Variants in G2E3 observed in about 807,000 individuals in gnomAD.
G2E3 encodes the protein G2/M phase-specific E3 ubiquitin-protein ligase.
G2E3 carries 35 observed loss-of-function variants against 92.8 expected under a neutral mutation model. That is an observed-to-expected ratio of 0.38 (90% CI 0.29 to 0.50). G2E3 has a LOEUF of 0.50. Among genes scored for constraint, G2E3 ranks in the 20% least tolerant of loss-of-function variants. G2E3 has a pLI of 0.94. For synonymous variants in G2E3, 242 were observed against 272.4 expected (o/e 0.89, Z 1.10); for missense variants, 554 against 823.8 (o/e 0.67, Z 4.01).
At chr14:30,563,989 G>C (rs1879284298) in intron 1 of G2E3, among the ~76,000 whole-genome samples, 1 of 152,080 alleles carries the variant, frequency 6.6e-6, no homozygotes, top group Admixed American at 6.5e-5. Context: ...AAAGTCCTGG[G>C]ATTACAGGCG....
chr14:30,609,249 A>G (rs1325867000), intron 12 of G2E3, among the ~76,000 whole-genome samples: 1 of 152,186 alleles, frequency 6.6e-6, no homozygotes, highest in African/African-American at 2.4e-5. Flanking sequence ...AAAAAAAAGT[A>G]TATTTAAGCT....
At chr14:30,603,407 A>T (rs567408346) in intron 10 of G2E3, among the ~76,000 whole-genome samples, 1 of 152,228 alleles carries the variant, frequency 6.6e-6, no homozygotes, top group African/African-American at 2.4e-5. Context: ...TTACATCTTT[A>T]TAATGTTGGG....
chr14:30,589,633 G>A (rs1880896830), intron 4 of G2E3, 149 bp downstream of exon 4: 2 of 550,288 alleles, frequency 3.6e-6, no homozygotes. Flanking sequence ...AGTTTTAGGA[G>A]GACAGTTTAT....
At chr14:30,591,397 T>C (rs1381980806) in intron 4 of G2E3, among the ~76,000 whole-genome samples, 1 of 152,222 alleles carries the variant, frequency 6.6e-6, no homozygotes, top group Non-Finnish European at 1.5e-5. Flanking sequence ...ACATTTCAGT[T>C]AGCGGCACTG....
At chr14:30,564,733 G>C (rs921507923) in intron 1 of G2E3, among the ~76,000 whole-genome samples, 4 of 152,140 alleles carry the variant, frequency 2.6e-5, no homozygotes, top group Non-Finnish European at 5.9e-5. Context: ...AACCTTTTAT[G>C]TCTGACTTCC....
At chr14:30,604,972 A>T (rs549926510) in intron 10 of G2E3, among the ~76,000 whole-genome samples, 2 of 152,068 alleles carry the variant, frequency 1.3e-5, no homozygotes, top group African/African-American at 4.8e-5. Flanking sequence ...TCTTGGCTCA[A>T]CGCAACCTCT....
intron 1 of G2E3, among the ~76,000 whole-genome samples, chr14:30,565,339 G>C (rs1009227246): frequency 6.6e-6 from 1 of 152,014 alleles, no homozygotes; most frequent in East Asian, 1.9e-4. Context: ...TTGTTGCATT[G>C]TAAGAGTTTC....
At position 30,567,721 on chromosome 14, in the gene G2E3, A is replaced by G. The variant is rs138409159; in HGVS notation, c.-5+8449A>G. Among the ~76,000 whole-genome samples the G allele has an allele frequency of 5.7e-3, 859 of 151,750 alleles. 3 individuals carry two copies. The highest frequency in any genetic ancestry group is 8.7e-3 in the Non-Finnish European group (592 of 67,868). On this transcript the variant is annotated intron_variant, in intron 1 of 14. Coordinates refer to ENST00000206595, the MANE Select transcript of G2E3 (RefSeq NM_017769.5). ...CTTTTTCTAGTTTCTTTGGGCATATAGTTGGGTCATTGTTTTGGGGGCTTG... is the reference window on the plus strand; with the variant it reads ...CTTTTTCTAGTTTCTTTGGGCATATGGTTGGGTCATTGTTTTGGGGGCTTG...
intron 4 of G2E3, chr14:30,590,551 G>A (rs1002308262): frequency 7.6e-6 from 3 of 394,776 alleles, no homozygotes; most frequent in African/African-American, 6.3e-5. Context: ...TAAGGAGGAT[G>A]GAAAAATAAG....
intron 2 of G2E3, among the ~76,000 whole-genome samples, chr14:30,583,140 C>T (rs1232201995): frequency 6.6e-6 from 1 of 152,054 alleles, no homozygotes; most frequent in African/African-American, 2.4e-5. Context: ...ATGCAAGCAC[C>T]CTTCATCTTG....
intron 1 of G2E3, among the ~76,000 whole-genome samples, chr14:30,564,433 A>G (rs552913383): frequency 1.3e-5 from 2 of 152,312 alleles, no homozygotes; most frequent in Admixed American, 6.5e-5. Context: ...CTTGGACTCC[A>G]GCTGTCCTCC....
chr14:30,596,465 G>A (rs1594495625), intron 6 of G2E3, among the ~76,000 whole-genome samples: 3 of 152,130 alleles, frequency 2.0e-5, no homozygotes, highest in Admixed American at 1.3e-4. Flanking sequence ...ATTATTAATT[G>A]TATTTTCCTA....
chr14:30,575,245 G>C (rs905128680), intron 1 of G2E3, among the ~76,000 whole-genome samples: 4 of 152,150 alleles, frequency 2.6e-5, no homozygotes, highest in African/African-American at 4.8e-5. Flanking sequence ...ATCTGCTTAT[G>C]TCCTTTGGCC....
chr14:30,574,471 T>C (rs868319399), intron 1 of G2E3: 4 of 151,750 alleles, frequency 2.6e-5, no homozygotes, highest in South Asian at 4.2e-4. Context: ...GTTTGTTACA[T>C]AGGTAAACAA....
Position 30,605,820 on chromosome 14 carries a change from TTTTA to T in G2E3, c.1318+15_1318+18del. ...TGTCTCTAAATTCTCAAGGTAATTA[TTTTA>T]TTTATTGTTGTATATACCAAATATC... On this transcript the variant is annotated intron_variant, in intron 11 of 14. Coordinates refer to ENST00000206595, the MANE Select transcript of G2E3 (RefSeq NM_017769.5). 1.4e-6 allele frequency: 2 copies of T among 1,447,278 alleles called. No individual in the cohort carries two copies. Among genetic ancestry groups the T allele is most frequent in the South Asian group, 1.3e-5 (1 of 74,844 alleles). 89.7% of individuals were successfully genotyped at this position (1,447,278 alleles called of 1,614,324 possible). A position where few individuals can be genotyped will look rare whatever the true frequency, so the allele number is the denominator to read the frequency against.
intron 8 of G2E3, among the ~76,000 whole-genome samples, chr14:30,600,979 T>C (rs1450017500): frequency 6.6e-6 from 1 of 152,226 alleles, no homozygotes; most frequent in Middle Eastern, 3.2e-3. Flanking sequence ...GTTAGCTGTT[T>C]CTTCCTCCGC....
At chr14:30,609,741 G>A (rs1440028360) in intron 12 of G2E3, among the ~76,000 whole-genome samples, 2 of 152,048 alleles carry the variant, frequency 1.3e-5, no homozygotes, top group Non-Finnish European at 2.9e-5. Context: ...ATTGTTTTTT[G>A]TGGGGCTTTT....
At chr14:30,606,207 A>G (rs1416946789) in intron 11 of G2E3, among the ~76,000 whole-genome samples, 1 of 151,678 alleles carries the variant, frequency 6.6e-6, no homozygotes, top group East Asian at 1.9e-4. Context: ...TCCACATGTA[A>G]CCAATTTTTC....
chr14:30,569,870 T>TTTC (rs1319199472), intron 1 of G2E3, among the ~76,000 whole-genome samples: 4 of 152,204 alleles, frequency 2.6e-5, no homozygotes, highest in African/African-American at 9.7e-5. Flanking sequence ...CATCCCAGGC[T>TTTC]TTCACACACT....
Sources: gnomAD v4.1 joint callset for allele counts (sites outside exome capture counted in the v4.1 genomes callset) on GRCh38, gnomAD v4.1.1 for gene constraint, MANE v1.5 for transcripts, NCBI Gene and HGNC (gene_info 2026-07-23, HGNC 2026-07-21) for gene names.